The following NTN1 variants were observed in gnomAD, a reference collection of about 807,000 sequenced individuals.
NTN1 encodes the protein netrin-1.
A neutral mutation model predicts 54.2 loss-of-function variants in NTN1; 11 were observed. The ratio of observed to expected loss-of-function variants is 0.20; its 90% CI spans 0.13 to 0.34. The LOEUF (loss-of-function observed/expected upper bound fraction) is 0.34, where lower values mean the gene tolerates loss of function less well. Among genes scored for constraint, NTN1 ranks in the 10% least tolerant of loss-of-function variants. NTN1 has a pLI of 1.00. For missense variants in NTN1, 740 were observed against 893.1 expected, an observed-to-expected ratio of 0.83 and a Z score of 2.18; for synonymous variants, 371 against 382.0, an observed-to-expected ratio of 0.97 and a Z score of 0.33.
At chr17:9,132,358 TC>T (rs2092268404) in intron 2 of NTN1, among the ~76,000 whole-genome samples, 1 of 152,160 alleles carries the variant, frequency 6.6e-6, no homozygotes, top group Non-Finnish European at 1.5e-5. Context: ...CCTGGAAAAC[TC>T]CTATGCATCT....
intron 2 of NTN1, among the ~76,000 whole-genome samples, chr17:9,089,760 G>A (rs555334902): frequency 4.9e-4 from 74 of 152,256 alleles, no homozygotes; most frequent in Middle Eastern, 3.4e-3. Flanking sequence ...CTTTTCGTTC[G>A]CAGCCGCAGC....
chr17:9,200,730 C>T (rs1904757857), intron 5 of NTN1, among the ~76,000 whole-genome samples: 1 of 152,164 alleles, frequency 6.6e-6, no homozygotes, highest in African/African-American at 2.4e-5. Context: ...ACACATTTAC[C>T]AAGAGCCTGG....
At chr17:9,214,313 T>G (rs923997219) in intron 5 of NTN1, among the ~76,000 whole-genome samples, 12 of 152,378 alleles carry the variant, frequency 7.9e-5, no homozygotes, top group Admixed American at 2.6e-4. Context: ...TGTTTCATTT[T>G]TGTATTACTA....
At chr17:9,015,744 C>T in the NTN1 span, among the ~76,000 whole-genome samples, 702 of 152,102 alleles carry the variant, frequency 4.6e-3, 7 homozygotes, top group African/African-American at 0.016. Flanking sequence ...TCCCAATGCT[C>T]CTTCCCTCTT....
intron 2 of NTN1, among the ~76,000 whole-genome samples, chr17:9,134,968 C>G (rs2092276541): frequency 6.6e-6 from 1 of 152,158 alleles, no homozygotes; most frequent in Admixed American, 6.5e-5. Flanking sequence ...TCCCTGAGTT[C>G]CAGACCCAGG....
intron 2 of NTN1, among the ~76,000 whole-genome samples, chr17:9,067,157 C>T (rs941801611): frequency 1.3e-5 from 2 of 151,786 alleles, no homozygotes; most frequent in Non-Finnish European, 2.9e-5. Flanking sequence ...GTCTCAGCTA[C>T]CTGGGAGGCT....
intron 4 of NTN1, among the ~76,000 whole-genome samples, chr17:9,182,247 G>C (rs117080241): frequency 6.6e-6 from 1 of 152,340 alleles, no homozygotes; most frequent in African/African-American, 2.4e-5. Context: ...GGCCCCAAAC[G>C]TGTTGGGATG....
intron 2 of NTN1, among the ~76,000 whole-genome samples, chr17:9,035,535 G>C (rs1478657353): frequency 2.6e-5 from 4 of 152,172 alleles, no homozygotes; most frequent in Non-Finnish European, 5.9e-5. Flanking sequence ...GTATCAAGAA[G>C]GGGAATTGCT....
chr17:9,090,043 G>A (rs925995124), intron 2 of NTN1, among the ~76,000 whole-genome samples: 2 of 152,146 alleles, frequency 1.3e-5, no homozygotes. Context: ...AGGACATGGT[G>A]GGAAAGGCTG....
At chr17:9,155,950 G>A (rs1057140898) in intron 2 of NTN1, among the ~76,000 whole-genome samples, 1 of 152,130 alleles carries the variant, frequency 6.6e-6, no homozygotes, top group Non-Finnish European at 1.5e-5. Flanking sequence ...AATTGCCACC[G>A]GTTGAGAACA....
intron 6 of NTN1, among the ~76,000 whole-genome samples, chr17:9,225,590 G>GA (rs1233515469): frequency 6.6e-6 from 1 of 152,226 alleles, no homozygotes; most frequent in Non-Finnish European, 1.5e-5. Flanking sequence ...GCCCCCCTGA[G>GA]AAGGTGTGTA....
intron 5 of NTN1, among the ~76,000 whole-genome samples, chr17:9,187,654 C>CAAAAAAAA (rs763852001): frequency 3.8e-5 from 2 of 52,902 alleles, no homozygotes; most frequent in East Asian, 7.4e-4. Context: ...CTCATCTCTC[C>CAAAAAAAA]AAAAAAAAAA....
chr17:9,106,661 C>A (rs2092168227), intron 2 of NTN1, among the ~76,000 whole-genome samples: 1 of 152,032 alleles, frequency 6.6e-6, no homozygotes, highest in African/African-American at 2.4e-5. Flanking sequence ...GTACAGGTGC[C>A]CACCACCATG....
At chr17:9,109,747 C>T (rs989221661) in intron 2 of NTN1, among the ~76,000 whole-genome samples, 7 of 152,182 alleles carry the variant, frequency 4.6e-5, no homozygotes, top group Non-Finnish European at 1.0e-4. Flanking sequence ...AAATTTTCAT[C>T]GGCCTATATT....
intron 2 of NTN1, among the ~76,000 whole-genome samples, 168 bp from the exon 3 acceptor site, chr17:9,162,645 G>T (rs1450221087): frequency 2.0e-5 from 3 of 152,214 alleles, no homozygotes; most frequent in African/African-American, 7.2e-5. Flanking sequence ...AATGCTTACG[G>T]GTACAAACAG....
chr17:9,085,898 G>A (rs1374827803), intron 2 of NTN1, among the ~76,000 whole-genome samples: 1 of 152,194 alleles, frequency 6.6e-6, no homozygotes, highest in Non-Finnish European at 1.5e-5. Flanking sequence ...AGGGGCGCAC[G>A]TGGGGAGAAC....
chr17:9,239,942 A>T lies in NTN1; in HGVS notation c.1789A>T (p.Lys597Ter). 1 of 1,349,972 alleles carries T rather than the reference A, an allele frequency of 7.4e-7. No individual in the cohort carries two copies. Among genetic ancestry groups the T allele is most frequent in the South Asian group, 1.2e-5 (1 of 84,464 alleles). 83.6% of individuals were successfully genotyped at this position (1,349,972 alleles called of 1,614,324 possible). A position where few individuals can be genotyped will look rare whatever the true frequency, so the allele number is the denominator to read the frequency against. Residue 597 changes from lysine to a stop codon, truncating the protein, a stop_gained, in exon 7 of 7, where the codon AAG (lysine) becomes TAG (stop). Coordinates refer to ENST00000173229, the MANE Select transcript of NTN1 (RefSeq NM_004822.3). LOFTEE classifies it high-confidence loss of function. The surrounding 1 kb of genome is among the most constrained non-coding windows in gnomAD (Gnocchi z 5.2). Reference protein sequence around the residue: ...RRLRKFQQREKKGKCKKA With the variant: ...RRLRKFQQRE ...GCTGCGCAAGTTCCAGCAGCGTGAG[A>T]AGAAGGGCAAGTGCAAGAAGGCCTA...
chr17:9,133,899 CTTTTTTTT>C (rs71361867), intron 2 of NTN1, among the ~76,000 whole-genome samples: 2 of 85,444 alleles, frequency 2.3e-5, no homozygotes, highest in Non-Finnish European at 4.4e-5. Flanking sequence ...TGGGCCTAGC[CTTTTTTTT>C]TTTTTTTTTT....
chr17:9,147,358 T>C (rs2092316688), intron 2 of NTN1, among the ~76,000 whole-genome samples: 1 of 151,864 alleles, frequency 6.6e-6, no homozygotes, highest in Admixed American at 6.6e-5. Context: ...ACAAAATAAA[T>C]GAATAAATTA....
Sources: gnomAD v4.1 joint callset for allele counts (sites outside exome capture counted in the v4.1 genomes callset) on GRCh38, gnomAD v4.1.1 for gene constraint, Gnocchi (gnomAD v3.1) non-coding constraint, MANE v1.5 for transcripts, NCBI Gene and HGNC (gene_info 2026-07-23, HGNC 2026-07-21) for gene names.